The following OSTF1 variants were observed in gnomAD, a reference collection of about 807,000 sequenced individuals.
OSTF1 encodes the protein osteoclast-stimulating factor 1.
OSTF1 carries 27 observed loss-of-function variants against 37.2 expected under a neutral mutation model. That is an observed-to-expected ratio of 0.73 (90% CI 0.54 to 1.00). The LOEUF (loss-of-function observed/expected upper bound fraction) is 1.00. OSTF1 is among the 50% of genes least tolerant of loss of function. OSTF1 has a pLI of 0.00. For synonymous variants in OSTF1, 82 were observed against 89.2 expected (o/e 0.92, Z 0.46); for missense variants, 232 against 253.8 (o/e 0.91, Z 0.58).
At chr9:75,094,510 G>A (rs1306637511) in intron 1 of OSTF1, among the ~76,000 whole-genome samples, 1 of 151,890 alleles carries the variant, frequency 6.6e-6, no homozygotes, top group Non-Finnish European at 1.5e-5. Context: ...TGGAAATACT[G>A]GGGTCCCCTC....
At chr9:75,091,853 A>AT (rs904986129) in intron 1 of OSTF1, among the ~76,000 whole-genome samples, 1 of 152,158 alleles carries the variant, frequency 6.6e-6, no homozygotes, top group Non-Finnish European at 1.5e-5. Flanking sequence ...AGAGAGAAAA[A>AT]TCTCAAGATT....
intron 2 of OSTF1, among the ~76,000 whole-genome samples, chr9:75,118,978 C>T (rs1036272606): frequency 6.6e-6 from 1 of 152,190 alleles, no homozygotes; most frequent in Non-Finnish European, 1.5e-5. Flanking sequence ...AGAGCTTTCT[C>T]TCTGTGGGCA....
chr9:75,107,253 A>G (rs971901743), intron 1 of OSTF1, among the ~76,000 whole-genome samples: 3 of 152,164 alleles, frequency 2.0e-5, no homozygotes, highest in African/African-American at 7.2e-5. Context: ...CATCATGCAT[A>G]TTTAGTAGAA....
At chr9:75,097,382 T>G (rs1214047359) in intron 1 of OSTF1, among the ~76,000 whole-genome samples, 1 of 152,160 alleles carries the variant, frequency 6.6e-6, no homozygotes, top group Non-Finnish European at 1.5e-5. Context: ...AAACCTATTC[T>G]GTATCTAAAT....
intron 1 of OSTF1, among the ~76,000 whole-genome samples, chr9:75,108,265 AAAG>A (rs928388234): frequency 2.8e-5 from 4 of 142,684 alleles, no homozygotes; most frequent in African/African-American, 1.0e-4. Context: ...ATCAAAGAAA[AAAG>A]AAAAAGAAAA....
At chr9:75,089,120 C>T (rs1263825063) in intron 1 of OSTF1, among the ~76,000 whole-genome samples, 1 of 152,000 alleles carries the variant, frequency 6.6e-6, no homozygotes, top group African/African-American at 2.4e-5. Context: ...GTGTTTGTCA[C>T]TGTCAAGTTA....
Position 75,103,629 on chromosome 9 carries a change from A to T in OSTF1, c.35-13875A>T, listed in dbSNP as rs555755095. Among the ~76,000 whole-genome samples the T allele has an allele frequency of 1.5e-3, 234 of 152,298 alleles. 3 individuals are homozygous for T. The highest frequency in any genetic ancestry group is 5.4e-3 in the African/African-American group (223 of 41,578). ...GGGACACGATAAACTCTTATTTTTA[A>T]TTATGGTAATTCCCTCTGTTGCTAG... On this transcript the variant is annotated intron_variant, in intron 1 of 9. Coordinates refer to ENST00000346234, the MANE Select transcript of OSTF1 (RefSeq NM_012383.5).
At position 75,137,519 on chromosome 9, in the gene OSTF1, T is replaced by A; in HGVS notation, c.409-19T>A. 2 of 1,538,814 alleles carry A rather than the reference T, an allele frequency of 1.3e-6. No homozygotes were observed. The highest frequency in any genetic ancestry group is 1.8e-6 in the Non-Finnish European group (2 of 1,111,682). ...ACCCTCTATCTTAAAAATGGTACTT[T>A]CTCTTTTTATCACTATAGAACAAGT... On this transcript the variant is annotated intron_variant, in intron 7 of 9. Transcript: ENST00000346234.
intron 1 of OSTF1, among the ~76,000 whole-genome samples, chr9:75,114,689 G>T (rs1825451529): frequency 6.6e-6 from 1 of 152,022 alleles, no homozygotes; most frequent in African/African-American, 2.4e-5. Context: ...GAGTAGCTGG[G>T]ACTACAGGTG....
chr9:75,095,899 T>TCC (rs1564152749), intron 1 of OSTF1, among the ~76,000 whole-genome samples: 76 of 151,552 alleles, frequency 5.0e-4, no homozygotes, highest in Admixed American at 2.0e-4. Context: ...GGCCCCCCTT[T>TCC]TTTTTTTTTT....
intron 3 of OSTF1, among the ~76,000 whole-genome samples, chr9:75,130,084 G>T (rs1204799677): frequency 6.6e-6 from 1 of 152,070 alleles, no homozygotes; most frequent in Non-Finnish European, 1.5e-5. Flanking sequence ...ATTAATAAAT[G>T]ATTTGTGCAG....
At chr9:75,091,552 A>C (rs1224152233) in intron 1 of OSTF1, among the ~76,000 whole-genome samples, 2 of 152,184 alleles carry the variant, frequency 1.3e-5, no homozygotes, top group Non-Finnish European at 2.9e-5. Flanking sequence ...AGTGGTGTGG[A>C]GCTTTACTTT....
chr9:75,124,347 A>G (rs913098156), intron 2 of OSTF1, among the ~76,000 whole-genome samples: 7 of 152,222 alleles, frequency 4.6e-5, no homozygotes, highest in Non-Finnish European at 5.9e-5. Context: ...CTGTTGTGCT[A>G]TCAAATAATA....
At chr9:75,104,512 C>G (rs1293010561) in intron 1 of OSTF1, among the ~76,000 whole-genome samples, 1 of 152,066 alleles carries the variant, frequency 6.6e-6, no homozygotes, top group Non-Finnish European at 1.5e-5. Flanking sequence ...TACACTCCAG[C>G]CTGGGTGACA....
At chr9:75,128,391 T>TTTTTTGTCC (rs1177781430) in intron 3 of OSTF1, among the ~76,000 whole-genome samples, 3 of 105,798 alleles carry the variant, frequency 2.8e-5, no homozygotes, top group African/African-American at 1.1e-4. Context: ...TATATATATA[T>TTTTTTGTCC]ATATATATAT....
In OSTF1 at chr9:75,127,565, C is replaced by A; in HGVS notation, c.82-4C>A. The A allele has an allele frequency of 6.5e-7, 1 of 1,539,902 alleles. No homozygotes were observed. Among genetic ancestry groups the A allele is most frequent in the Non-Finnish European group, 8.8e-7 (1 of 1,134,794 alleles). Reference sequence around the variant, plus strand: ...ATGGAGTCAAACTTTTTTTTTTCTTCTAGCCAGATGAATTATACTTTGAGG... The same window carrying A: ...ATGGAGTCAAACTTTTTTTTTTCTTATAGCCAGATGAATTATACTTTGAGG... On this transcript the variant is annotated splice_region_variant and splice_polypyrimidine_tract_variant and intron_variant, in intron 2 of 9. Coordinates refer to ENST00000346234, the MANE Select transcript of OSTF1 (RefSeq NM_012383.5).
chr9:75,134,463 T>C, intron 7 of OSTF1, 68 bp downstream of exon 7: 1 of 767,680 alleles, frequency 1.3e-6, no homozygotes, highest in South Asian at 1.7e-5. Context: ...GAGCAACTCA[T>C]GGGCATGTGA....
Position 75,146,887 on chromosome 9 carries a change from T to C in OSTF1, c.*146T>C. 1.8e-6 allele frequency: 1 copy of C among 550,606 alleles called. No individual in the cohort carries two copies. Among genetic ancestry groups the C allele is most frequent in the Non-Finnish European group, 3.1e-6 (1 of 320,568 alleles). The allele number at this position is 550,606 out of a possible 1,614,324, so 34.1% of individuals were successfully genotyped here. A position where few individuals can be genotyped will look rare whatever the true frequency, so the allele number is the denominator to read the frequency against. ...ACTGTGTTTGAGTAGAACGTGTAAA[T>C]GAATTGTTCCCACCTTTGGTTTGCC... On this transcript the variant is annotated 3_prime_UTR_variant, in exon 10 of 10. Transcript: ENST00000346234.
At chr9:75,137,827 G>A (rs992170483) in intron 8 of OSTF1, among the ~76,000 whole-genome samples, 3 of 152,158 alleles carry the variant, frequency 2.0e-5, no homozygotes, top group Non-Finnish European at 2.9e-5. Flanking sequence ...TAAAACCATG[G>A]CAAGCTTTAA....
Sources: gnomAD v4.1 joint callset for allele counts (sites outside exome capture counted in the v4.1 genomes callset) on GRCh38, gnomAD v4.1.1 for gene constraint, MANE v1.5 for transcripts, NCBI Gene and HGNC (gene_info 2026-07-23, HGNC 2026-07-21) for gene names.